TNIP3: variants seen among roughly 807,000 people sequenced by gnomAD.
TNIP3 encodes the protein TNFAIP3 interacting protein 3.
A neutral mutation model predicts 54.1 loss-of-function variants in TNIP3; 34 were observed. The ratio of observed to expected loss-of-function variants is 0.63; its 90% CI spans 0.48 to 0.84. TNIP3 has a LOEUF of 0.84. Ranked by LOEUF, TNIP3 falls within the 40% of genes least tolerant of loss-of-function variation. The pLI is 0.00. For missense variants in TNIP3, 366 were observed against 387.6 expected, an observed-to-expected ratio of 0.94 and a Z score of 0.47; for synonymous variants, 134 against 136.8, an observed-to-expected ratio of 0.98 and a Z score of 0.14.
intron 3 of TNIP3, among the ~76,000 whole-genome samples, chr4:121,169,394 A>G (rs1336600177): frequency 2.0e-5 from 3 of 152,088 alleles, no homozygotes; most frequent in Non-Finnish European, 4.4e-5. Context: ...TGGCCTCCCA[A>G]TTTAAAATTG....
In TNIP3 at chr4:121,211,954, G is replaced by C. The variant is rs1050473420; in HGVS notation, c.68+4461C>G. Among the ~76,000 whole-genome samples the C allele has an allele frequency of 2.6e-5, 4 of 152,204 alleles. No individual in the cohort carries two copies. In the South Asian group the frequency reaches 6.2e-4, roughly 24 times the overall value. On this transcript the variant is annotated intron_variant, in intron 2 of 12. Transcript: ENST00000507879. ...ACATTTCCATGGAAGTAAAAGCTGAGTGATTTCCAGTCTCTAGACACACAA... is the reference window on the plus strand; with the variant it reads ...ACATTTCCATGGAAGTAAAAGCTGACTGATTTCCAGTCTCTAGACACACAA...
At chr4:121,181,133 G>A (rs1429851049) in intron 3 of TNIP3, among the ~76,000 whole-genome samples, 1 of 152,188 alleles carries the variant, frequency 6.6e-6, no homozygotes, top group African/African-American at 2.4e-5. Flanking sequence ...TGTAGAAGAG[G>A]TTTTTACCAT....
chr4:121,190,768 T>C (rs1333415351), intron 2 of TNIP3, among the ~76,000 whole-genome samples: 2 of 152,146 alleles, frequency 1.3e-5, no homozygotes, highest in African/African-American at 4.8e-5. Flanking sequence ...AGTGTTGAGC[T>C]CAATACTCCC....
intron 3 of TNIP3, chr4:121,182,550 C>T: frequency 9.0e-7 from 1 of 1,117,126 alleles, no homozygotes; most frequent in African/African-American, 1.6e-5. Context: ...TCAGTTTATC[C>T]TCTCAGCTGA....
chr4:121,215,079 T>C (rs2148849458), intron 2 of TNIP3, among the ~76,000 whole-genome samples: 1 of 152,382 alleles, frequency 6.6e-6, no homozygotes. Context: ...TCAATATTTC[T>C]ATATTTATTT....
intron 2 of TNIP3, among the ~76,000 whole-genome samples, chr4:121,213,182 C>A (rs1456374700): frequency 6.6e-6 from 1 of 152,174 alleles, no homozygotes; most frequent in Non-Finnish European, 1.5e-5. Flanking sequence ...TCCTTAAGTG[C>A]ATCTGAAATC....
chr4:121,136,580 C>T (rs1331201215), intron 10 of TNIP3: 3 of 152,166 alleles, frequency 2.0e-5, no homozygotes, highest in East Asian at 1.9e-4. Context: ...TGTAGTGGCT[C>T]ACACCTGAAA....
chr4:121,164,073 G>T lies in TNIP3; in HGVS notation c.53C>A (p.Thr18Lys), dbSNP rs144762502. 6.2e-7 allele frequency: 1 copy of T among 1,613,558 alleles called. No individual in the cohort carries two copies. Among genetic ancestry groups the T allele is most frequent in the Non-Finnish European group, 8.5e-7 (1 of 1,179,704 alleles). The change falls in exon 1 of 11, where the codon ACG (threonine) becomes AAG (lysine). Residue 18 changes from threonine (T) to lysine (K), a missense_variant. Thr to Lys is a moderately conservative substitution (Grantham distance 78). Coordinates refer to ENST00000057513, the MANE Select transcript of TNIP3 (RefSeq NM_024873.6). ...ATATGTTCTTACCTCTTTATGCTCC[G>T]TAGAACTTTCTGCGGCAATCATTCT... ...TSRMIAAESS[T>K]EHKECAEPST... is the part of the protein sequence containing the mutation.
chr4:121,137,707 T>G (rs1481306849), intron 10 of TNIP3: 2 of 321,294 alleles, frequency 6.2e-6, no homozygotes, highest in Non-Finnish European at 1.2e-5. Flanking sequence ...CTCCTTGTAT[T>G]AAAAACTAGA....
intron 2 of TNIP3, among the ~76,000 whole-genome samples, chr4:121,198,393 C>T (rs950926256): frequency 2.6e-5 from 4 of 152,116 alleles, no homozygotes; most frequent in African/African-American, 9.7e-5. Flanking sequence ...GTTTACAAGG[C>T]ATTTAGATTG....
upstream of TNIP3, among the ~76,000 whole-genome samples, chr4:121,218,126 A>C (rs1160603034): frequency 1.3e-5 from 2 of 152,216 alleles, no homozygotes; most frequent in Non-Finnish European, 2.9e-5. Context: ...ATATTTTAAT[A>C]CTAATATATT....
At chr4:121,154,235 C>G (rs537317031) in intron 5 of TNIP3, 1 of 312,502 alleles carries the variant, frequency 3.2e-6, no homozygotes, top group Non-Finnish European at 5.9e-6. Flanking sequence ...CCAAGAGATA[C>G]GTTATTGTTC....
intron 2 of TNIP3, among the ~76,000 whole-genome samples, chr4:121,210,068 C>A (rs1439035393): frequency 1.3e-5 from 2 of 152,096 alleles, no homozygotes; most frequent in Non-Finnish European, 2.9e-5. Context: ...ACACTCTTAA[C>A]CATAATACTG....
intron 3 of TNIP3, among the ~76,000 whole-genome samples, chr4:121,174,182 A>T (rs1345723393): frequency 6.6e-6 from 1 of 152,162 alleles, no homozygotes; most frequent in Non-Finnish European, 1.5e-5. Context: ...TTCCTGAGGC[A>T]ATATATTTCA....
chr4:121,174,472 A>G (rs897608328), intron 3 of TNIP3, among the ~76,000 whole-genome samples: 1 of 152,114 alleles, frequency 6.6e-6, no homozygotes, highest in Non-Finnish European at 1.5e-5. Context: ...AAGATGATGT[A>G]GGTATATGGA....
At chr4:121,146,601 T>C (rs1729445446) in intron 7 of TNIP3, among the ~76,000 whole-genome samples, 1 of 152,188 alleles carries the variant, frequency 6.6e-6, no homozygotes, top group South Asian at 2.1e-4. Flanking sequence ...ACATTACATC[T>C]GGGAACCACT....
chr4:121,190,179 T>C (rs1725231228), intron 2 of TNIP3, among the ~76,000 whole-genome samples: 1 of 152,210 alleles, frequency 6.6e-6, no homozygotes, highest in Non-Finnish European at 1.5e-5. Context: ...AATATAGAGC[T>C]TTTGAAAACA....
chr4:121,203,385 A>G (rs746342243), intron 2 of TNIP3, among the ~76,000 whole-genome samples: 1 of 152,164 alleles, frequency 6.6e-6, no homozygotes, highest in Non-Finnish European at 1.5e-5. Context: ...AACAAACATC[A>G]TATGTTCTCA....
chr4:121,192,166 A>G (rs866710747), intron 2 of TNIP3, among the ~76,000 whole-genome samples: 1 of 152,196 alleles, frequency 6.6e-6, no homozygotes, highest in Non-Finnish European at 1.5e-5. Flanking sequence ...GTTCGTGTGC[A>G]TACAAAAAAG....
Sources: gnomAD v4.1 joint callset for allele counts (sites outside exome capture counted in the v4.1 genomes callset) on GRCh38, gnomAD v4.1.1 for gene constraint, MANE v1.5 for transcripts, NCBI Gene and HGNC (gene_info 2026-07-23, HGNC 2026-07-21) for gene names.